The following GATA4 variants were observed in gnomAD, a reference collection of about 807,000 sequenced individuals.
GATA4 encodes the protein GATA binding protein 4.
A neutral mutation model predicts 37.9 loss-of-function variants in GATA4; 7 were observed. That is an observed-to-expected ratio of 0.18 (90% CI 0.11 to 0.35). GATA4 has a LOEUF of 0.35. Among genes scored for constraint, GATA4 ranks in the 10% least tolerant of loss-of-function variants. GATA4 has a pLI of 1.00. For missense variants in GATA4, 647 were observed against 653.0 expected, an observed-to-expected ratio of 0.99 and a Z score of 0.10; for synonymous variants, 372 against 292.6, an observed-to-expected ratio of 1.27 and a Z score of -2.77.
At position 11,755,156 on chromosome 8, in the gene GATA4, A is replaced by T. The variant is rs76808439; in HGVS notation, c.1000+23A>T. 4.4e-3 allele frequency: 6,918 copies of T among 1,577,274 alleles called. 234 individuals are homozygous for T. In the African/African-American group the frequency reaches 0.077, roughly 18 times the overall value. On this transcript the variant is annotated intron_variant, in intron 5 of 6. Transcript: ENST00000532059. The stretch of plus-strand genomic sequence containing the variant: ...CAGGTGAGGAAAAGATCTGTGAGTG[A>T]TTATATGAGTACATCAGGAGCCCTC...
intron 1 of GATA4, among the ~76,000 whole-genome samples, chr8:11,678,485 C>T (rs1479283524): frequency 3.3e-5 from 5 of 152,162 alleles, no homozygotes; most frequent in Non-Finnish European, 5.9e-5. Flanking sequence ...TTTCCCAGGG[C>T]TGATATTCCT....
intron 2 of GATA4, among the ~76,000 whole-genome samples, chr8:11,710,064 G>T (rs1800105404): frequency 6.6e-6 from 1 of 152,220 alleles, no homozygotes; most frequent in Non-Finnish European, 1.5e-5. Flanking sequence ...GGCTACCCCT[G>T]CCAGGTTTCC....
chr8:11,727,554 C>A (rs1177410624), intron 2 of GATA4, among the ~76,000 whole-genome samples: 2 of 152,138 alleles, frequency 1.3e-5, no homozygotes, highest in Non-Finnish European at 2.9e-5. Flanking sequence ...ATTTAAAATT[C>A]CTGCTAGCCT....
chr8:11,747,987 G>T (rs1247172941), intron 2 of GATA4, among the ~76,000 whole-genome samples: 5 of 152,194 alleles, frequency 3.3e-5, no homozygotes, highest in African/African-American at 9.7e-5. Context: ...CAGTACTTTG[G>T]GAGGCTGAGG....
intron 1 of GATA4, chr8:11,697,875 C>A: frequency 7.1e-6 from 7 of 985,470 alleles, no homozygotes; most frequent in Non-Finnish European, 8.4e-6. Flanking sequence ...CGGAAACGGG[C>A]CGAGCTGGCT....
At chr8:11,711,517 C>T (rs933737490) in intron 2 of GATA4, among the ~76,000 whole-genome samples, 1 of 152,044 alleles carries the variant, frequency 6.6e-6, no homozygotes, top group African/African-American at 2.4e-5. Flanking sequence ...GAGGCTCATG[C>T]CTGTAATCCC....
chr8:11,718,443 C>T (rs1339015261), intron 2 of GATA4, among the ~76,000 whole-genome samples: 1 of 152,216 alleles, frequency 6.6e-6, no homozygotes, highest in African/African-American at 2.4e-5. Flanking sequence ...GTGGGCCATT[C>T]TGTGTGTTTA....
chr8:11,684,156 C>T (rs780366591), intron 1 of GATA4, among the ~76,000 whole-genome samples: 1 of 152,186 alleles, frequency 6.6e-6, no homozygotes, highest in Non-Finnish European at 1.5e-5. Flanking sequence ...AACTAAAGCC[C>T]CTGAAACCTG....
intron 2 of GATA4, among the ~76,000 whole-genome samples, chr8:11,712,148 C>T (rs899742519): frequency 1.6e-4 from 25 of 152,166 alleles, no homozygotes; most frequent in African/African-American, 5.1e-4. Context: ...TGGCTTTAGC[C>T]CTTCATAAAT....
At chr8:11,676,989 A>T (rs990968498) in exon 1 of GATA4, 24 of 152,166 alleles carry the variant, frequency 1.6e-4, no homozygotes, top group African/African-American at 5.8e-4. Flanking sequence ...GGCTGAGAAC[A>T]GCCTGGAATC....
chr8:11,746,589 G>C (rs928251881), intron 2 of GATA4, among the ~76,000 whole-genome samples: 5 of 152,234 alleles, frequency 3.3e-5, no homozygotes, highest in Non-Finnish European at 5.9e-5. Context: ...AGTGGGCTTG[G>C]TCTAATGTCC....
intron 2 of GATA4, among the ~76,000 whole-genome samples, chr8:11,711,404 A>G (rs1213402378): frequency 6.6e-6 from 1 of 152,228 alleles, no homozygotes; most frequent in East Asian, 1.9e-4. Context: ...GAGGGAACAC[A>G]GGGCATGTTG....
intron 2 of GATA4, among the ~76,000 whole-genome samples, chr8:11,739,125 T>C (rs1408725067): frequency 6.6e-6 from 1 of 152,166 alleles, no homozygotes. Flanking sequence ...TCCCAGGAAA[T>C]TGAAGAAAAT....
At chr8:11,683,762 G>C (rs1799052684) in intron 1 of GATA4, among the ~76,000 whole-genome samples, 1 of 152,180 alleles carries the variant, frequency 6.6e-6, no homozygotes, top group African/African-American at 2.4e-5. Context: ...TTTGGCGTTG[G>C]AAGGGCCCCA....
intron 1 of GATA4, among the ~76,000 whole-genome samples, chr8:11,682,003 T>C (rs1798988309): frequency 6.6e-6 from 1 of 152,246 alleles, no homozygotes; most frequent in Admixed American, 6.5e-5. Flanking sequence ...GATAAAGATG[T>C]TTTGTTTCAT....
Position 11,758,388 on chromosome 8 carries a change from C to T in GATA4, c.1245C>T (p.Val415=). The change falls in exon 7 of 7, where the codon GTC becomes GTT. Residue 415 remains valine, a synonymous_variant. Transcript: ENST00000532059. ...KLSPQGYASP[V]SQSPQTSSKQ... ...CCCCACAAGGCTATGCGTCTCCCGT[C>T]AGCCAGTCTCCACAGACCAGCTCCA... is the stretch of plus-strand genomic sequence containing the variant. 1 of 1,614,222 alleles carries T rather than the reference C, an allele frequency of 6.2e-7. No individual in the cohort carries two copies. The highest frequency in any genetic ancestry group is 8.5e-7 in the Non-Finnish European group (1 of 1,180,026).
At chr8:11,742,038 C>A (rs1801763933) in intron 2 of GATA4, among the ~76,000 whole-genome samples, 1 of 152,192 alleles carries the variant, frequency 6.6e-6, no homozygotes, top group Non-Finnish European at 1.5e-5. Flanking sequence ...GATCTGTTCT[C>A]TAAAGCTCAT....
In GATA4 at chr8:11,708,486, C is replaced by A. The variant is rs927342083; in HGVS notation, c.174C>A (p.Gly58=). 1.3e-6 allele frequency: 2 copies of A among 1,498,524 alleles called. No individual in the cohort carries two copies. The highest frequency in any genetic ancestry group is 4.3e-5 in the Admixed American group (2 of 46,566). The allele number at this position is 1,498,524 out of a possible 1,614,324, so 92.8% of individuals were successfully genotyped here. The change falls in exon 2 of 7, where the codon GGC becomes GGA. Residue 58 remains glycine (G), a synonymous_variant. Transcript: ENST00000532059. This position sits in a 1 kb window ranked among gnomAD's most constrained non-coding sequence, Gnocchi z 6.7. The stretch of plus-strand genomic sequence containing the variant: ...GCCTGTCCTACCTCCAGGGCGGAGG[C>A]GCGGGCTCTGCGTCCGGAGGCGCCT... ...VLGLSYLQGG[G]AGSASGGASG...
chr8:11,682,926 T>A, intron 1 of GATA4: 1 of 306,342 alleles, frequency 3.3e-6, no homozygotes, highest in Non-Finnish European at 4.8e-6. Flanking sequence ...GTAGCTAGTT[T>A]CCACACCGGG....
Sources: allele counts gnomAD v4.1 joint callset (sites outside exome capture counted in the v4.1 genomes callset), GRCh38; gene constraint gnomAD v4.1.1; non-coding constraint Gnocchi (gnomAD v3.1); transcripts MANE v1.5; gene names NCBI Gene and HGNC (gene_info 2026-07-23, HGNC 2026-07-21).